PDK1: variants seen among roughly 807,000 people sequenced by gnomAD.
PDK1 encodes the protein pyruvate dehydrogenase kinase 1, also known as [Pyruvate dehydrogenase (acetyl-transferring)] kinase isozyme 1, mitochondrial.
PDK1 carries 39 observed loss-of-function variants against 54.2 expected under a neutral mutation model. The observed-to-expected ratio is 0.72, with a 90% CI of 0.56 to 0.94. PDK1 has a LOEUF of 0.94. PDK1 is among the 40% of genes least tolerant of loss of function. The pLI is 0.00. For synonymous variants in PDK1, 221 were observed against 207.1 expected (o/e 1.07, Z -0.58); for missense variants, 552 against 566.0 (o/e 0.98, Z 0.25).
At position 172,600,017 on chromosome 2, in the gene PDK1, C is replaced by T. The variant is rs533969157; in HGVS notation, c.*4048C>T. On this transcript the variant is annotated 3_prime_UTR_variant, in exon 11 of 11. Coordinates refer to ENST00000282077, the MANE Select transcript of PDK1 (RefSeq NM_002610.5). Reference sequence around the variant, plus strand: ...ATTTTTTGAGAGTGGAAGTACATTTCCTGCATTTGTCACAGATAATATCAG... The same window carrying T: ...ATTTTTTGAGAGTGGAAGTACATTTTCTGCATTTGTCACAGATAATATCAG... 5 of 152,246 alleles carry T rather than the reference C, an allele frequency of 3.3e-5. No individual in the cohort carries two copies. In the East Asian group the frequency reaches 9.6e-4, roughly 29 times the overall value. The allele number at this position is 152,246 out of a possible 1,614,324, so 9.4% of individuals were successfully genotyped here.
chr2:172,556,897 G>C (rs1292574375), intron 1 of PDK1, among the ~76,000 whole-genome samples: 1 of 152,244 alleles, frequency 6.6e-6, no homozygotes, highest in Non-Finnish European at 1.5e-5. Flanking sequence ...CACGTGTTGA[G>C]TGCATGAGGA....
chr2:172,559,059 C>T (rs952640078), intron 2 of PDK1, among the ~76,000 whole-genome samples: 1 of 152,186 alleles, frequency 6.6e-6, no homozygotes. Flanking sequence ...GGCGATTCTC[C>T]TGCCTCAGCC....
chr2:172,585,347 A>G (rs1276390275), intron 8 of PDK1, among the ~76,000 whole-genome samples: 5 of 99,434 alleles, frequency 5.0e-5, no homozygotes, highest in Non-Finnish European at 7.0e-5. Context: ...TTTTTTTGAG[A>G]AGGAGTCTTG....
chr2:172,580,270 A>C (rs977247987), intron 8 of PDK1, among the ~76,000 whole-genome samples: 1 of 144,394 alleles, frequency 6.9e-6, no homozygotes, highest in Non-Finnish European at 1.5e-5. Context: ...TCAGATGCTA[A>C]TGTGTCTATT....
chr2:172,687,830 T>C, the PDK1 span, among the ~76,000 whole-genome samples: 9 of 152,264 alleles, frequency 5.9e-5, no homozygotes, highest in East Asian at 1.5e-3. Context: ...TGGGAGTCAA[T>C]TGCCCCGACA....
chr2:172,589,893 A>G (rs893513446), intron 9 of PDK1, among the ~76,000 whole-genome samples: 37 of 152,228 alleles, frequency 2.4e-4, no homozygotes, highest in Non-Finnish European at 4.8e-4. Context: ...TGGGACCAAA[A>G]TGAACAGACA....
chr2:172,628,935 A>G, the PDK1 span, among the ~76,000 whole-genome samples: 1 of 152,264 alleles, frequency 6.6e-6, no homozygotes, highest in African/African-American at 2.4e-5. Context: ...CCTGGGCAAC[A>G]TAGGGAGACC....
intron 3 of PDK1, among the ~76,000 whole-genome samples, chr2:172,563,057 A>G (rs1435103149): frequency 2.6e-5 from 4 of 152,348 alleles, no homozygotes; most frequent in African/African-American, 9.6e-5. Flanking sequence ...CAGACTTTAC[A>G]TGAATGATGT....
chr2:172,638,006 T>C, the PDK1 span, among the ~76,000 whole-genome samples: 193 of 152,318 alleles, frequency 1.3e-3, 1 homozygote, highest in Middle Eastern at 3.4e-3. Flanking sequence ...GCATTTATTT[T>C]TTTTTAAATG....
the PDK1 span, among the ~76,000 whole-genome samples, chr2:172,681,431 G>A: frequency 2.8e-4 from 42 of 152,344 alleles, no homozygotes; most frequent in Non-Finnish European, 2.9e-4. Context: ...GACTTGGCAT[G>A]CAGCTGAGAG....
chr2:172,695,179 T>G, the PDK1 span, among the ~76,000 whole-genome samples: 1 of 152,176 alleles, frequency 6.6e-6, no homozygotes, highest in East Asian at 1.9e-4. Context: ...CATAGGAACT[T>G]AACTCTTGTT....
chr2:172,685,721 G>T, the PDK1 span, among the ~76,000 whole-genome samples: 8 of 152,124 alleles, frequency 5.3e-5, no homozygotes, highest in African/African-American at 1.9e-4. Flanking sequence ...ATGTTGTATT[G>T]TTCATGATAA....
the PDK1 span, among the ~76,000 whole-genome samples, chr2:172,634,823 A>G: frequency 3.0e-4 from 45 of 152,074 alleles, 1 homozygote; most frequent in Non-Finnish European, 5.9e-5. Context: ...GAAAATACAT[A>G]ATTTATAAAA....
the PDK1 span, among the ~76,000 whole-genome samples, chr2:172,622,311 CATATATT>C: frequency 7.8e-6 from 1 of 127,866 alleles, no homozygotes; most frequent in African/African-American, 3.0e-5. Context: ...GTTTATATCT[CATATATT>C]ATGTGAGATA....
At chr2:172,675,531 GCCAAAGTCTAAT>G in the PDK1 span, among the ~76,000 whole-genome samples, 1 of 152,262 alleles carries the variant, frequency 6.6e-6, no homozygotes, top group African/African-American at 2.4e-5. Flanking sequence ...ATTCCCTTCA[GCCAAAGTCTAAT>G]CCAGAGCAAG....
the PDK1 span, among the ~76,000 whole-genome samples, chr2:172,718,158 T>C: frequency 5.3e-5 from 8 of 152,334 alleles, no homozygotes; most frequent in Non-Finnish European, 8.8e-5. Flanking sequence ...TTTGTAATCA[T>C]AAAAATTCCA....
the PDK1 span, among the ~76,000 whole-genome samples, chr2:172,623,637 T>G: frequency 6.6e-6 from 1 of 152,196 alleles, no homozygotes; most frequent in African/African-American, 2.4e-5. Flanking sequence ...TTTTCCCTTG[T>G]GATTGAAGGC....
the PDK1 span, among the ~76,000 whole-genome samples, chr2:172,702,854 T>C: frequency 6.6e-6 from 1 of 152,204 alleles, no homozygotes. Context: ...CCATATTCTC[T>C]TGGCAATACC....
At chr2:172,698,390 C>A in the PDK1 span, among the ~76,000 whole-genome samples, 1 of 152,118 alleles carries the variant, frequency 6.6e-6, no homozygotes, top group Non-Finnish European at 1.5e-5. Context: ...CCTGGGTAAG[C>A]TGATCATAAA....
Sources: allele counts gnomAD v4.1 joint callset (sites outside exome capture counted in the v4.1 genomes callset), GRCh38; gene constraint gnomAD v4.1.1; transcripts MANE v1.5; gene names NCBI Gene and HGNC (gene_info 2026-07-23, HGNC 2026-07-21).